The following CARMIL2 variants were observed in gnomAD, a reference collection of about 807,000 sequenced individuals.
CARMIL2 encodes capping protein regulator and myosin 1 linker 2, also known as capping protein, Arp2/3 and myosin-I linker protein 2.
CARMIL2 carries 96 observed loss-of-function variants against 173.3 expected under a neutral mutation model. The ratio of observed to expected loss-of-function variants is 0.55; its 90% CI spans 0.47 to 0.66. The LOEUF (loss-of-function observed/expected upper bound fraction) is 0.66. Among genes scored for constraint, CARMIL2 ranks in the 30% least tolerant of loss-of-function variants. The probability of loss-of-function intolerance (pLI) is 0.00; values close to 1 mark genes in which losing one functional copy is unlikely to be tolerated. For synonymous variants in CARMIL2, 830 were observed against 817.1 expected, an observed-to-expected ratio of 1.02 and a Z score of -0.27; for missense variants, 1,771 against 1,906.7, an observed-to-expected ratio of 0.93 and a Z score of 1.33.
rs2052647754 is a variant in CARMIL2, at chr16:67,648,589, C to G, written c.1439+87C>G. On this transcript the variant is annotated intron_variant, in intron 15 of 37. Coordinates refer to ENST00000334583, the MANE Select transcript of CARMIL2 (RefSeq NM_001013838.3). The surrounding 1 kb of genome is among the most constrained non-coding windows in gnomAD (Gnocchi z 6.1). ...CTCCCCGCTCCTGCTTCTGTCGCTC[C>G]CACAACCTCCCCCAGATCCTGGCCC... is the stretch of plus-strand genomic sequence containing the variant. The G allele has an allele frequency of 6.7e-7, 1 of 1,489,326 alleles. No individual in the cohort carries two copies. The allele number at this position is 1,489,326 out of a possible 1,614,324, so 92.3% of individuals were successfully genotyped here. A position where few individuals can be genotyped will look rare whatever the true frequency, so the allele number is the denominator to read the frequency against.
In CARMIL2 at chr16:67,652,426, G is replaced by A. The variant is rs1272192105; in HGVS notation, c.2818-46G>A. On this transcript the variant is annotated intron_variant, in intron 27 of 37. Transcript: ENST00000334583. This position sits in a 1 kb window ranked among gnomAD's most constrained non-coding sequence, Gnocchi z 4.7. ...GGAAGGTGAAAGGCAGCTCTTTTGG[G>A]TTGGTGCTCTCCTACCCCAGGCTGA... 2 of 1,612,064 alleles carry A rather than the reference G, an allele frequency of 1.2e-6. No individual in the cohort carries two copies. The highest frequency in any genetic ancestry group is 8.5e-7 in the Non-Finnish European group (1 of 1,178,952).
In CARMIL2 at chr16:67,656,843, C is replaced by T. The variant is rs371816992; in HGVS notation, c.4079C>T (p.Ala1360Val). 1.3e-4 allele frequency: 208 copies of T among 1,550,538 alleles called. No homozygotes were observed. Among genetic ancestry groups the T allele is most frequent in the Middle Eastern group, 8.4e-4 (5 of 5,974 alleles). Residue 1360 changes from alanine (A) to valine (V), a missense_variant, in exon 36 of 38, where the codon GCA (alanine) becomes GTA (valine). Transcript: ENST00000334583. The stretch of plus-strand genomic sequence containing the variant: ...AGGCCTCTCTCGGCAGGGCGGCGAG[C>T]AGTGTCTGTGCATGAGGACCAGCTC... ...RPRPLSAGRRAVSVHEDQLQA... is the reference protein window; with the variant it reads ...RPRPLSAGRRVVSVHEDQLQA...
chr16:67,656,725 G>A, intron 35 of CARMIL2, 76 bp from the exon 36 acceptor site: 1 of 1,563,794 alleles, frequency 6.4e-7, no homozygotes, highest in Non-Finnish European at 8.7e-7. Flanking sequence ...GCTCCTCTAA[G>A]GACCCTGAGG....
In CARMIL2 at chr16:67,653,109, C is replaced by T; in HGVS notation, c.2975C>T (p.Pro992Leu). Residue 992 changes from proline to leucine, a missense_variant, in exon 29 of 38, where the codon CCG (proline) becomes CTG (leucine). Coordinates refer to ENST00000334583, the MANE Select transcript of CARMIL2 (RefSeq NM_001013838.3). This position sits in a 1 kb window ranked among gnomAD's most constrained non-coding sequence, Gnocchi z 7.4. ...GCGGGGCCGTCCGCGCGCGGCTCTC[C>T]GAGCCCTGCCGCCCCTGGGCCCCCG... ...PQAGPSARGSPSPAAPGPPAG... is the reference protein window; with the variant it reads ...PQAGPSARGSLSPAAPGPPAG... 1 of 1,150,158 alleles carries T rather than the reference C, an allele frequency of 8.7e-7. No individual in the cohort carries two copies. The highest frequency in any genetic ancestry group is 1.1e-6 in the Non-Finnish European group (1 of 932,428). 71.2% of individuals were successfully genotyped at this position (1,150,158 alleles called of 1,614,324 possible).
chr16:67,648,446 G>T lies in CARMIL2; in HGVS notation c.1383G>T (p.Ala461=). The change falls in exon 15 of 38, where the codon GCG becomes GCT. Residue 461 remains alanine, a synonymous_variant. Coordinates refer to ENST00000334583, the MANE Select transcript of CARMIL2 (RefSeq NM_001013838.3). This position sits in a 1 kb window ranked among gnomAD's most constrained non-coding sequence, Gnocchi z 6.1. ...CGCTGCAGCTCTTCCTCAGCCGCGC[G>T]CGGACGCTGCGGCACCTGGGCCTGG... ...PAALQLFLSR[A]RTLRHLGLAG... 1 of 1,468,988 alleles carries T rather than the reference G, an allele frequency of 6.8e-7. No individual in the cohort carries two copies. Among genetic ancestry groups the T allele is most frequent in the African/African-American group, 1.4e-5 (1 of 69,096 alleles). The allele number at this position is 1,468,988 out of a possible 1,614,324, so 91.0% of individuals were successfully genotyped here. A position where few individuals can be genotyped will look rare whatever the true frequency, so the allele number is the denominator to read the frequency against.
Position 67,649,611 on chromosome 16 carries a change from G to A in CARMIL2, c.1911G>A (p.Ser637=), listed in dbSNP as rs745455447. The change falls in exon 20 of 38, where the codon TCG becomes TCA. Residue 637 remains serine (S), a synonymous_variant. Coordinates refer to ENST00000334583, the MANE Select transcript of CARMIL2 (RefSeq NM_001013838.3). This position sits in a 1 kb window ranked among gnomAD's most constrained non-coding sequence, Gnocchi z 6.7. ...TGGCCAAGGCGCTGCGGGTCAACTC[G>A]AGGCTCCGGTGGGCGGGGTCAGAGG... ...KLLAKALRVN[S]RLRSVVWDRN... The A allele has an allele frequency of 6.9e-6, 11 of 1,595,648 alleles. No individual in the cohort carries two copies. Among genetic ancestry groups the A allele is most frequent in the Non-Finnish European group, 9.3e-6 (11 of 1,176,786 alleles).
Position 67,651,162 on chromosome 16 carries a change from G to A in CARMIL2, c.2185-25G>A, listed in dbSNP as rs1335053164. ...TGGGAGACTGGGAGGGGGCTAGGCT[G>A]AGACTGATCCCCATTTCGCCCCAGG... On this transcript the variant is annotated intron_variant, in intron 22 of 37. Transcript: ENST00000334583. This position sits in a 1 kb window ranked among gnomAD's most constrained non-coding sequence, Gnocchi z 4.2. The A allele has an allele frequency of 1.2e-6, 2 of 1,608,426 alleles. No individual in the cohort carries two copies. The highest frequency in any genetic ancestry group is 1.7e-6 in the Non-Finnish European group (2 of 1,177,560).
chr16:67,645,407 G>A (rs928546365), intron 1 of CARMIL2, 121 bp downstream of exon 1: 1 of 1,373,096 alleles, frequency 7.3e-7, no homozygotes, highest in Non-Finnish European at 1.0e-6. Context: ...CAGGAGGGCA[G>A]GCGCCCCAGA....
chr16:67,646,386 C>T lies in CARMIL2; in HGVS notation c.375-40C>T, dbSNP rs760423475. 4.4e-6 allele frequency: 7 copies of T among 1,607,578 alleles called. No individual in the cohort carries two copies. In the Admixed American group the frequency reaches 1.2e-4, roughly 27 times the overall value. ...GAAGGGCTGCTTCCCATCCCAGAGG[C>T]TGGAAGTCCTTTGCCCCCTTCTCCT... is the stretch of plus-strand genomic sequence containing the variant. On this transcript the variant is annotated intron_variant, in intron 5 of 37. Transcript: ENST00000334583. The surrounding 1 kb of genome is among the most constrained non-coding windows in gnomAD (Gnocchi z 4.6).
At chr16:67,650,323 C>A (rs2142929216) in intron 22 of CARMIL2, 173 bp downstream of exon 22, 1 of 606,328 alleles carries the variant, frequency 1.6e-6, no homozygotes. Flanking sequence ...CCTTAAATAG[C>A]TCTCCAAATA....
At chr16:67,656,395 G>C (rs749807721) in intron 34 of CARMIL2, 29 bp from the exon 35 acceptor site, 13 of 1,609,530 alleles carry the variant, frequency 8.1e-6, no homozygotes, top group Non-Finnish European at 9.3e-6. Flanking sequence ...TGCCTGACCA[G>C]GTCTTGGCTG....
At chr16:67,654,922 A>G (rs2142950651) in intron 32 of CARMIL2, 22 bp downstream of exon 32, 4 of 1,612,674 alleles carry the variant, frequency 2.5e-6, no homozygotes, top group East Asian at 2.2e-5. Context: ...GGACCTGAGC[A>G]TGAAGTGAGA....
Position 67,656,440 on chromosome 16 carries a change from T to A in CARMIL2, c.3831T>A (p.Pro1277=). 1 of 1,609,394 alleles carries A rather than the reference T, an allele frequency of 6.2e-7. No individual in the cohort carries two copies. The highest frequency in any genetic ancestry group is 1.1e-5 in the South Asian group (1 of 90,716). ...TCCCTACAGACCCTTCCTGCAGACCTGGCCCAGGGAGCCAGGGGCCTGAGT... is the reference window on the plus strand; with the variant it reads ...TCCCTACAGACCCTTCCTGCAGACCAGGCCCAGGGAGCCAGGGGCCTGAGT... The part of the protein sequence containing the change: ...HSVSADPSCR[P]GPGSQGPESA... The change falls in exon 35 of 38, where the codon CCT becomes CCA. Residue 1277 remains proline, a synonymous_variant. Coordinates refer to ENST00000334583, the MANE Select transcript of CARMIL2 (RefSeq NM_001013838.3).
In CARMIL2 at chr16:67,657,115, A is replaced by G. The variant is rs1487502358; in HGVS notation, c.4118-124A>G. ...AGGGGTGAGGACGCAGGGACGGGGG[A>G]TGCTCTGAAGGCAGCAGTGTGTGTG... On this transcript the variant is annotated intron_variant, in intron 36 of 37. Coordinates refer to ENST00000334583, the MANE Select transcript of CARMIL2 (RefSeq NM_001013838.3). This position sits in a 1 kb window ranked among gnomAD's most constrained non-coding sequence, Gnocchi z 4.5. 2.2e-6 allele frequency: 2 copies of G among 911,328 alleles called. No homozygotes were observed. The highest frequency in any genetic ancestry group is 3.4e-6 in the Non-Finnish European group (2 of 582,562). The allele number at this position is 911,328 out of a possible 1,614,324, so 56.5% of individuals were successfully genotyped here. A position where few individuals can be genotyped will look rare whatever the true frequency, so the allele number is the denominator to read the frequency against.
At position 67,648,979 on chromosome 16, in the gene CARMIL2, G is replaced by A; in HGVS notation, c.1591+5G>A. Reference sequence around the variant, plus strand: ...CCCTGGATCTGGCGGATAACGGTGAGGCTGCAGGAGAGCCCATCCTCGCAT... The same window carrying A: ...CCCTGGATCTGGCGGATAACGGTGAAGCTGCAGGAGAGCCCATCCTCGCAT... On this transcript the variant is annotated splice_donor_5th_base_variant and intron_variant, in intron 17 of 37. Transcript: ENST00000334583. The surrounding 1 kb of genome is among the most constrained non-coding windows in gnomAD (Gnocchi z 6.1). 1.2e-6 allele frequency: 2 copies of A among 1,607,448 alleles called. No homozygotes were observed. The highest frequency in any genetic ancestry group is 1.7e-6 in the Non-Finnish European group (2 of 1,177,372).
rs183644366 is a variant in CARMIL2, at chr16:67,645,213, G to A, written c.-34G>A. The A allele has an allele frequency of 1.1e-4, 175 of 1,548,508 alleles. No individual in the cohort carries two copies. Among genetic ancestry groups the A allele is most frequent in the Non-Finnish European group, 2.0e-5 (23 of 1,144,114 alleles). Reference sequence around the variant, plus strand: ...CGCTCGTCCTCTGCTGTTTCCCGCCGGAGCTCGTTGGGCCTCCCCGGCCCG... The same window carrying A: ...CGCTCGTCCTCTGCTGTTTCCCGCCAGAGCTCGTTGGGCCTCCCCGGCCCG... On this transcript the variant is annotated 5_prime_UTR_variant, in exon 1 of 38. Coordinates refer to ENST00000334583, the MANE Select transcript of CARMIL2 (RefSeq NM_001013838.3).
rs754077018 is a variant in CARMIL2, at chr16:67,648,322, G to C, written c.1334+8G>C. Reference sequence around the variant, plus strand: ...GAACGTCTTCTCCCGCACGTAAGGGGGACCTGTCGGGGCCGGGGGAGGCTG... The same window carrying C: ...GAACGTCTTCTCCCGCACGTAAGGGCGACCTGTCGGGGCCGGGGGAGGCTG... On this transcript the variant is annotated splice_region_variant and intron_variant, in intron 14 of 37. Coordinates refer to ENST00000334583, the MANE Select transcript of CARMIL2 (RefSeq NM_001013838.3). The surrounding 1 kb of genome is among the most constrained non-coding windows in gnomAD (Gnocchi z 6.1). 1.8e-4 allele frequency: 281 copies of C among 1,582,134 alleles called. No individual in the cohort carries two copies. The highest frequency in any genetic ancestry group is 2.2e-4 in the Non-Finnish European group (259 of 1,172,314).
Position 67,653,024 on chromosome 16 carries a change from G to T in CARMIL2, c.2890G>T (p.Ala964Ser). The change falls in exon 29 of 38, where the codon GCT becomes TCT. Residue 964 changes from alanine (A) to serine (S), a missense_variant. By Grantham distance (99) the Ala-to-Ser change is moderately conservative (BLOSUM62 1). Around this residue, in one of 3 missense-constraint regions of CARMIL2, gnomAD observed 817 missense variants for 903.5 expected, o/e 0.90. Transcript: ENST00000334583. The surrounding 1 kb of genome is among the most constrained non-coding windows in gnomAD (Gnocchi z 7.4). ...TTCTGGTGCTGTCCCCTCAGGTGCT[G>T]CTGAGGAAGCGGAGCCGGAGCCCGA... ...LHLVPFIHSA[A>S]EEAEPEPELA... 1 of 1,266,078 alleles carries T rather than the reference G, an allele frequency of 7.9e-7. No individual in the cohort carries two copies. The highest frequency in any genetic ancestry group is 5.1e-5 in the East Asian group (1 of 19,470). The allele number at this position is 1,266,078 out of a possible 1,614,324, so 78.4% of individuals were successfully genotyped here. A position where few individuals can be genotyped will look rare whatever the true frequency, so the allele number is the denominator to read the frequency against.
intron 3 of CARMIL2, 49 bp downstream of exon 3, chr16:67,645,826 G>T: frequency 6.3e-7 from 1 of 1,599,618 alleles, no homozygotes; most frequent in South Asian, 1.1e-5. Flanking sequence ...AGCTACCTTG[G>T]CAGGGGGCTG....
Sources: gnomAD v4.1 joint callset for allele counts on GRCh38, gnomAD v4.1.1 for gene constraint, gnomAD v4.1.1 regional missense constraint, Gnocchi (gnomAD v3.1) non-coding constraint, MANE v1.5 for transcripts, NCBI Gene and HGNC (gene_info 2026-07-23, HGNC 2026-07-21) for gene names.